HIVEP3: variants seen among roughly 807,000 people sequenced by gnomAD.
HIVEP3 encodes the protein HIVEP zinc finger 3, also known as transcription factor HIVEP3.
Under a neutral mutation model 152.8 loss-of-function variants are expected in HIVEP3, and 49 were observed. That is an observed-to-expected ratio of 0.32 (90% CI 0.26 to 0.41). HIVEP3 has a LOEUF of 0.41. HIVEP3 is among the 10% of genes least tolerant of loss of function. HIVEP3 has a pLI of 1.00. For synonymous variants in HIVEP3, 1,269 were observed against 1,289.0 expected, an observed-to-expected ratio of 0.98 and a Z score of 0.33; for missense variants, 2,790 against 3,103.3, an observed-to-expected ratio of 0.90 and a Z score of 2.40.
chr1:41,920,075 T>G (rs545781446), upstream of HIVEP3, among the ~76,000 whole-genome samples: 29 of 152,240 alleles, frequency 1.9e-4, no homozygotes, highest in Non-Finnish European at 3.1e-4. Flanking sequence ...CCCTCCCACC[T>G]CATCACAGGC....
intron 1 of HIVEP3, among the ~76,000 whole-genome samples, chr1:41,819,133 T>C (rs939944347): frequency 6.6e-6 from 1 of 152,112 alleles, no homozygotes; most frequent in African/African-American, 2.4e-5. Flanking sequence ...CACTCTCCCT[T>C]TTTTTTGTTT....
intron 5 of HIVEP3, among the ~76,000 whole-genome samples, chr1:41,550,072 C>A (rs1391292808): frequency 6.6e-6 from 1 of 152,142 alleles, no homozygotes; most frequent in Non-Finnish European, 1.5e-5. Flanking sequence ...GGAAGGGATC[C>A]AGTTTCAGCT....
At chr1:41,627,546 G>C (rs766670230) in intron 3 of HIVEP3, among the ~76,000 whole-genome samples, 10 of 152,174 alleles carry the variant, frequency 6.6e-5, no homozygotes, top group Non-Finnish European at 1.0e-4. Context: ...CATACTGTGG[G>C]CAGAGACACA....
chr1:42,013,911 C>T (rs1645506630), intron 1 of HIVEP3, among the ~76,000 whole-genome samples: 1 of 152,156 alleles, frequency 6.6e-6, no homozygotes, highest in East Asian at 1.9e-4. Context: ...ATTCCTCTAC[C>T]CATGTATGGC....
At chr1:41,661,017 C>T (rs1164992457) in intron 2 of HIVEP3, among the ~76,000 whole-genome samples, 4 of 152,290 alleles carry the variant, frequency 2.6e-5, no homozygotes, top group East Asian at 3.9e-4. Flanking sequence ...ATGACAACTA[C>T]CAGCCCAGAA....
At chr1:41,745,631 C>T (rs1647060121) in intron 1 of HIVEP3, among the ~76,000 whole-genome samples, 1 of 152,190 alleles carries the variant, frequency 6.6e-6, no homozygotes, top group Admixed American at 6.5e-5. Context: ...ACGTGTCTTT[C>T]CTCGACAGAG....
intron 5 of HIVEP3, among the ~76,000 whole-genome samples, chr1:41,562,631 C>CTTTCTTTCTTTCTT (rs1558063149): frequency 9.4e-5 from 8 of 85,348 alleles, no homozygotes; most frequent in Admixed American, 2.0e-4. Flanking sequence ...CTCTCTCTCT[C>CTTTCTTTCTTTCTT]TCCCTCTCTC....
In HIVEP3 at chr1:41,581,384, G is replaced by A. The variant is rs768575726; in HGVS notation, c.3414C>T (p.Tyr1138=). The A allele has an allele frequency of 3.7e-6, 6 of 1,611,752 alleles. No individual in the cohort carries two copies. The highest frequency in any genetic ancestry group is 1.3e-5 in the African/African-American group (1 of 75,026). ...AGAAAAGGGAGACTGGTGGGGGCAG[G>A]TATGGCTTCTCATGCAGGGGTGTCT... ...VAQTPLHEKP[Y]LPPPVSLFSF... is the part of the protein sequence containing the mutation. Residue 1138 remains tyrosine, a synonymous_variant, in exon 4 of 9, where the codon TAC becomes TAT. Transcript: ENST00000372583. This position sits in a 1 kb window ranked among gnomAD's most constrained non-coding sequence, Gnocchi z 4.5.
intron 1 of HIVEP3, among the ~76,000 whole-genome samples, chr1:42,014,533 C>T (rs1645511111): frequency 6.6e-6 from 1 of 152,162 alleles, no homozygotes; most frequent in Admixed American, 6.5e-5. Flanking sequence ...TATCCACATC[C>T]TGAGCTTCAC....
intron 1 of HIVEP3, among the ~76,000 whole-genome samples, chr1:41,806,330 G>A (rs930052117): frequency 7.9e-5 from 12 of 152,184 alleles, no homozygotes; most frequent in Admixed American, 3.3e-4. Flanking sequence ...GGGCATGGTA[G>A]GGGAATAGGT....
intron 1 of HIVEP3, among the ~76,000 whole-genome samples, chr1:41,703,563 A>C (rs573606954): frequency 6.6e-6 from 1 of 152,324 alleles, no homozygotes; most frequent in South Asian, 2.1e-4. Context: ...TGTGAGGATT[A>C]AGTGATCCAA....
intron 1 of HIVEP3, among the ~76,000 whole-genome samples, chr1:41,789,677 C>T (rs1649572728): frequency 6.6e-6 from 1 of 152,066 alleles, no homozygotes; most frequent in African/African-American, 2.4e-5. Flanking sequence ...TCATGAATTG[C>T]CAAGATGGGG....
At chr1:41,549,522 C>T (rs1460624593) in intron 5 of HIVEP3, among the ~76,000 whole-genome samples, 1 of 152,240 alleles carries the variant, frequency 6.6e-6, no homozygotes, top group African/African-American at 2.4e-5. Flanking sequence ...TCTCCACATC[C>T]TCTCCAGCAT....
intron 2 of HIVEP3, among the ~76,000 whole-genome samples, chr1:41,631,374 A>G (rs188137996): frequency 6.6e-6 from 1 of 152,306 alleles, no homozygotes; most frequent in East Asian, 1.9e-4. Context: ...GTACATGGAA[A>G]AAGGTTGGAA....
At chr1:41,905,335 T>A (rs973922616) in intron 1 of HIVEP3, among the ~76,000 whole-genome samples, 1 of 152,156 alleles carries the variant, frequency 6.6e-6, no homozygotes, top group Non-Finnish European at 1.5e-5. Flanking sequence ...CTCCATGCAG[T>A]GTTAAGGCAG....
chr1:41,884,501 C>A (rs783633), intron 1 of HIVEP3, among the ~76,000 whole-genome samples: 129,848 of 152,170 alleles, frequency 0.85, 55,563 homozygotes, highest in East Asian at 1. Flanking sequence ...TTGGGGAATG[C>A]GGACATCAGG....
At chr1:41,865,079 A>T (rs1643944474) in intron 1 of HIVEP3, among the ~76,000 whole-genome samples, 1 of 152,194 alleles carries the variant, frequency 6.6e-6, no homozygotes, top group Non-Finnish European at 1.5e-5. Context: ...TGACCCCATT[A>T]GGTGGTTAAC....
At chr1:41,547,858 C>T (rs539090854) in intron 5 of HIVEP3, among the ~76,000 whole-genome samples, 4 of 150,878 alleles carry the variant, frequency 2.7e-5, no homozygotes, top group East Asian at 3.9e-4. Flanking sequence ...GGACACCTTC[C>T]ACCTGACCAT....
intron 8 of HIVEP3, 67 bp downstream of exon 8, chr1:41,512,749 G>A: frequency 7.9e-7 from 1 of 1,272,324 alleles, no homozygotes; most frequent in Non-Finnish European, 1.1e-6. Context: ...TACCCAGGAG[G>A]GTGTGAACTT....
Sources: gnomAD v4.1 joint callset for allele counts (sites outside exome capture counted in the v4.1 genomes callset) on GRCh38, gnomAD v4.1.1 for gene constraint, Gnocchi (gnomAD v3.1) non-coding constraint, MANE v1.5 for transcripts, NCBI Gene and HGNC (gene_info 2026-07-23, HGNC 2026-07-21) for gene names.